The following FBXL2 variants were observed in gnomAD, a reference collection of about 807,000 sequenced individuals.
FBXL2 encodes the protein F-box and leucine rich repeat protein 2, also known as F-box/LRR-repeat protein 2.
FBXL2 carries 38 observed loss-of-function variants against 69.2 expected under a neutral mutation model. The ratio of observed to expected loss-of-function variants is 0.55; its 90% CI spans 0.42 to 0.72. FBXL2 has a LOEUF of 0.72. Among genes scored for constraint, FBXL2 ranks in the 30% least tolerant of loss-of-function variants. FBXL2 has a pLI of 0.00. For synonymous variants in FBXL2, 192 were observed against 201.3 expected (o/e 0.95, Z 0.39); for missense variants, 354 against 520.3 (o/e 0.68, Z 3.11).
chr3:33,419,042 C>T, the FBXL2 span, among the ~76,000 whole-genome samples: 2 of 152,066 alleles, frequency 1.3e-5, no homozygotes, highest in Admixed American at 6.5e-5. Flanking sequence ...CATTTTTCAC[C>T]TATCAGAACA....
chr3:33,372,933 T>G, intron 5 of FBXL2, 159 bp from the exon 6 acceptor site: 1 of 679,910 alleles, frequency 1.5e-6, no homozygotes, highest in South Asian at 1.8e-5. Flanking sequence ...CCATTCTAGA[T>G]CTATCATCAG....
At chr3:33,346,573 T>C (rs1341629441) in intron 2 of FBXL2, among the ~76,000 whole-genome samples, 3 of 151,760 alleles carry the variant, frequency 2.0e-5, no homozygotes, top group Non-Finnish European at 4.4e-5. Flanking sequence ...AATAAATAAA[T>C]AAGTAAATAA....
intron 2 of FBXL2, among the ~76,000 whole-genome samples, chr3:33,302,201 T>C (rs1207635289): frequency 1.3e-5 from 2 of 152,172 alleles, no homozygotes; most frequent in Non-Finnish European, 2.9e-5. Context: ...AGTACCTGAT[T>C]ATTAAGTAAC....
At chr3:33,314,520 A>G (rs566858574) in intron 2 of FBXL2, among the ~76,000 whole-genome samples, 2 of 152,330 alleles carry the variant, frequency 1.3e-5, no homozygotes, top group Non-Finnish European at 1.5e-5. Flanking sequence ...AGAATATTCT[A>G]TGGTATAGTT....
In FBXL2 at chr3:33,375,302, A is replaced by C. The variant is rs762368903; in HGVS notation, c.672A>C (p.Glu224Asp). The C allele has an allele frequency of 1.2e-6, 2 of 1,613,664 alleles. No homozygotes were observed. The highest frequency in any genetic ancestry group is 2.7e-5 in the African/African-American group (2 of 74,920). The change falls in exon 10 of 15, where the codon GAA becomes GAC. Residue 224 changes from glutamate (E) to aspartate (D), a missense_variant. Coordinates refer to ENST00000484457, the MANE Select transcript of FBXL2 (RefSeq NM_012157.5). Reference protein sequence around the residue: ...NLQSCSRITDEGVVQICRGCH... With the variant: ...NLQSCSRITDDGVVQICRGCH... ...CTTTTCCTCAGCGTATCACGGATGAAGGTGTGGTGCAGATATGCAGGGGCT... is the reference window on the plus strand; with the variant it reads ...CTTTTCCTCAGCGTATCACGGATGACGGTGTGGTGCAGATATGCAGGGGCT...
At chr3:33,320,485 C>CT (rs773160968) in intron 2 of FBXL2, among the ~76,000 whole-genome samples, 146 of 139,774 alleles carry the variant, frequency 1.0e-3, no homozygotes, top group South Asian at 2.3e-3. Context: ...GAAAGCATTT[C>CT]TTTTTTTTTT....
chr3:33,390,186 C>T (rs1177707833), downstream of FBXL2: 2 of 769,294 alleles, frequency 2.6e-6, no homozygotes, highest in Non-Finnish European at 4.2e-6. Flanking sequence ...ACCTCTCATA[C>T]AGCTCATTAG....
downstream of FBXL2, chr3:33,389,411 T>G (rs1301210305): frequency 6.8e-6 from 1 of 147,636 alleles, no homozygotes; most frequent in Non-Finnish European, 1.5e-5. Context: ...CTCCCCCTAC[T>G]TGGGTCACCT....
the FBXL2 span, among the ~76,000 whole-genome samples, chr3:33,415,415 G>T: frequency 6.6e-6 from 1 of 151,942 alleles, no homozygotes; most frequent in African/African-American, 2.4e-5. Context: ...TCTATAATCC[G>T]GCATACACAA....
chr3:33,291,885 C>T (rs1469705407), intron 1 of FBXL2, among the ~76,000 whole-genome samples: 1 of 152,106 alleles, frequency 6.6e-6, no homozygotes, highest in Non-Finnish European at 1.5e-5. Flanking sequence ...TTGCAATTGT[C>T]AGGCTGGATA....
At chr3:33,346,236 T>TA (rs1370816271) in intron 2 of FBXL2, among the ~76,000 whole-genome samples, 1 of 151,468 alleles carries the variant, frequency 6.6e-6, no homozygotes, top group African/African-American at 2.4e-5. Flanking sequence ...CACAAAAAAA[T>TA]AAAAAATAAA....
At chr3:33,412,474 T>C in the FBXL2 span, among the ~76,000 whole-genome samples, 2 of 151,690 alleles carry the variant, frequency 1.3e-5, no homozygotes, top group African/African-American at 4.8e-5. Flanking sequence ...TCCTAGCTAC[T>C]TGGGAGGCTA....
intron 2 of FBXL2, chr3:33,302,940 A>C (rs2036411007): frequency 7.3e-6 from 2 of 272,280 alleles, no homozygotes; most frequent in South Asian, 3.8e-5. Flanking sequence ...AGTGAAAATC[A>C]TTATGGTTTT....
intron 5 of FBXL2, among the ~76,000 whole-genome samples, chr3:33,366,277 G>T (rs116488831): frequency 0.02 from 3,055 of 152,188 alleles, 51 homozygotes; most frequent in Middle Eastern, 0.034. Flanking sequence ...GAGGAATATT[G>T]TCTTATGATT....
chr3:33,292,845 T>G (rs1029458604), intron 1 of FBXL2, among the ~76,000 whole-genome samples: 3 of 152,138 alleles, frequency 2.0e-5, no homozygotes, highest in Admixed American at 6.5e-5. Context: ...TTGGCTATAC[T>G]AATATCAGAC....
intron 2 of FBXL2, chr3:33,317,667 T>C: frequency 2.8e-6 from 1 of 354,636 alleles, no homozygotes. Context: ...TGGAGGGGGC[T>C]CCCTTACCAT....
At chr3:33,279,968 T>C (rs1408601338) in intron 1 of FBXL2, among the ~76,000 whole-genome samples, 1 of 152,190 alleles carries the variant, frequency 6.6e-6, no homozygotes, top group Non-Finnish European at 1.5e-5. Flanking sequence ...TGTACTGTAA[T>C]GTATAGTGTA....
intron 2 of FBXL2, among the ~76,000 whole-genome samples, chr3:33,357,275 C>T (rs147564085): frequency 1.3e-5 from 2 of 152,256 alleles, no homozygotes; most frequent in Non-Finnish European, 2.9e-5. Context: ...TTTTAGAACC[C>T]AATCCCTGCA....
chr3:33,400,251 G>A (rs755927335), intron 12 of FBXL2: 6 of 1,600,952 alleles, frequency 3.7e-6, no homozygotes, highest in Admixed American at 1.8e-5. Context: ...CCATTGCTGT[G>A]TTTCCTGGAT....
Sources: allele counts gnomAD v4.1 joint callset (sites outside exome capture counted in the v4.1 genomes callset), GRCh38; gene constraint gnomAD v4.1.1; transcripts MANE v1.5; gene names NCBI Gene and HGNC (gene_info 2026-07-23, HGNC 2026-07-21).